ADGRL4: variants seen among roughly 807,000 people sequenced by gnomAD.
ADGRL4 encodes EGF, latrophilin and seven transmembrane domain containing 1.
In ADGRL4, 90 loss-of-function variants were observed where a neutral mutation model predicts 74.8. That is an observed-to-expected ratio of 1.20 (90% CI 1.02 to 1.43). ADGRL4 has a LOEUF of 1.43. Among genes scored for constraint, ADGRL4 ranks in the 40% most tolerant of loss-of-function variants. ADGRL4 has a pLI of 0.00. For synonymous variants in ADGRL4, 311 were observed against 279.2 expected, an observed-to-expected ratio of 1.11 and a Z score of -1.14; for missense variants, 881 against 814.3, an observed-to-expected ratio of 1.08 and a Z score of -1.00.
At chr1:78,931,904 C>G (rs570620645) in intron 7 of ADGRL4, among the ~76,000 whole-genome samples, 1 of 151,256 alleles carries the variant, frequency 6.6e-6, no homozygotes, top group Non-Finnish European at 1.5e-5. Context: ...TATATGCACC[C>G]GATACAGGAG....
chr1:78,937,290 C>T (rs1361858299), intron 6 of ADGRL4, among the ~76,000 whole-genome samples: 1 of 152,082 alleles, frequency 6.6e-6, no homozygotes, highest in East Asian at 1.9e-4. Flanking sequence ...ACCAAAAGAA[C>T]AAAAATTAGC....
chr1:78,968,247 C>G, intron 2 of ADGRL4, among the ~76,000 whole-genome samples: 1 of 151,910 alleles, frequency 6.6e-6, no homozygotes, highest in Non-Finnish European at 1.5e-5. Context: ...GGAGTTCAGT[C>G]AGGCTGGTGG....
chr1:78,996,926 C>T (rs1349572494), intron 2 of ADGRL4, among the ~76,000 whole-genome samples: 2 of 152,134 alleles, frequency 1.3e-5, no homozygotes, highest in Non-Finnish European at 2.9e-5. Context: ...GAGATGATTA[C>T]ACTATTGCAA....
intron 13 of ADGRL4, among the ~76,000 whole-genome samples, 174 bp from the exon 14 acceptor site, chr1:78,891,866 T>C (rs1484910358): frequency 1.3e-5 from 2 of 152,154 alleles, no homozygotes; most frequent in Non-Finnish European, 2.9e-5. Context: ...TGTGACAGCA[T>C]TTAGGGTATG....
chr1:78,932,360 A>G (rs1408389171), intron 7 of ADGRL4, among the ~76,000 whole-genome samples: 1 of 151,460 alleles, frequency 6.6e-6, no homozygotes, highest in African/African-American at 2.5e-5. Context: ...GAAATCAAGA[A>G]GTTCTTTGAA....
At chr1:78,995,280 G>A (rs1194598212) in intron 2 of ADGRL4, among the ~76,000 whole-genome samples, 1 of 152,152 alleles carries the variant, frequency 6.6e-6, no homozygotes, top group Non-Finnish European at 1.5e-5. Context: ...AATGCAGGAG[G>A]GGTCTCAGAA....
At chr1:78,978,866 T>G (rs1304765762) in intron 2 of ADGRL4, among the ~76,000 whole-genome samples, 1 of 150,860 alleles carries the variant, frequency 6.6e-6, no homozygotes, top group Non-Finnish European at 1.5e-5. Context: ...GATCTTATCT[T>G]TTTTTTTCTT....
Position 78,902,773 on chromosome 1 carries a change from A to G in ADGRL4, c.1750-9584T>C, listed in dbSNP as rs150140472. Among the ~76,000 whole-genome samples the G allele has an allele frequency of 1.5e-3, 231 of 152,280 alleles. 1 individual carries two copies. Among genetic ancestry groups the G allele is most frequent in the African/African-American group, 4.9e-3 (203 of 41,570 alleles). On this transcript the variant is annotated intron_variant, in intron 12 of 14. Transcript: ENST00000370742. ...GCATTAGTGTTCATCCAAATTAGTC[A>G]TGATACCAGTGATGAAGGCCTTGTT...
intron 8 of ADGRL4, among the ~76,000 whole-genome samples, chr1:78,924,480 A>T (rs1262309062): frequency 6.6e-6 from 1 of 151,984 alleles, no homozygotes; most frequent in Non-Finnish European, 1.5e-5. Context: ...TGTTATGTGA[A>T]AATGATGGGG....
At chr1:78,902,346 C>A (rs371411833) in intron 12 of ADGRL4, among the ~76,000 whole-genome samples, 25 of 152,106 alleles carry the variant, frequency 1.6e-4, no homozygotes, top group African/African-American at 5.5e-4. Flanking sequence ...TTTATTTAAC[C>A]CTCTCACCAA....
intron 2 of ADGRL4, among the ~76,000 whole-genome samples, chr1:79,000,567 T>A (rs1216666448): frequency 6.6e-6 from 1 of 152,180 alleles, no homozygotes; most frequent in Non-Finnish European, 1.5e-5. Flanking sequence ...TGATGGAATG[T>A]GTAATATTGT....
chr1:78,945,164 CA>C (rs57419194), intron 3 of ADGRL4, among the ~76,000 whole-genome samples: 33,246 of 116,304 alleles, frequency 0.29, 4,165 homozygotes, highest in Middle Eastern at 0.3. Flanking sequence ...GACTCTGTCT[CA>C]AAAAAAAAAA....
At chr1:78,928,157 C>T (rs531843295) in intron 7 of ADGRL4, among the ~76,000 whole-genome samples, 2 of 151,390 alleles carry the variant, frequency 1.3e-5, no homozygotes, top group East Asian at 3.9e-4. Flanking sequence ...GGTTCAAAAT[C>T]AAATGATGAA....
In ADGRL4 at chr1:78,957,854, G is replaced by A. The variant is rs180794090; in HGVS notation, c.173-11428C>T. Among the ~76,000 whole-genome samples, 3 of 152,186 alleles carry A rather than the reference G, an allele frequency of 2.0e-5. No homozygotes were observed. The East Asian group carries it at 5.8e-4, about 29-fold the overall frequency. On this transcript the variant is annotated intron_variant, in intron 2 of 14. Transcript: ENST00000370742. ...CTGTGAGACTTTCATAGCTAGAGAG[G>A]AGAAGTCAATGCCTGGCTCCAAAGC...
At chr1:78,975,332 A>G (rs892018819) in intron 2 of ADGRL4, among the ~76,000 whole-genome samples, 6 of 152,118 alleles carry the variant, frequency 3.9e-5, no homozygotes, top group Non-Finnish European at 7.4e-5. Flanking sequence ...GAATATAGGA[A>G]CAATGATGGT....
chr1:78,966,916 TAA>T (rs34217460), intron 2 of ADGRL4, among the ~76,000 whole-genome samples: 8 of 146,398 alleles, frequency 5.5e-5, no homozygotes, highest in East Asian at 2.0e-4. Context: ...CTAGGAATGA[TAA>T]AAAAAAAATC....
rs763798892 is a variant in ADGRL4, at chr1:78,937,859, T to C, written c.708A>G (p.Ile236Met). The change falls in exon 6 of 15, where the codon ATA becomes ATG. Residue 236 changes from isoleucine to methionine, a missense_variant. Transcript: ENST00000370742. Reference protein sequence around the residue: ...MHTVEQATLRISQSFQKTTEF... With the variant: ...MHTVEQATLRMSQSFQKTTEF... ...CTGTGGTCTTTTGGAAGCTCTGGGATATCCTTAAAGTAGCTTGTTCAACAG... is the reference window on the plus strand; with the variant it reads ...CTGTGGTCTTTTGGAAGCTCTGGGACATCCTTAAAGTAGCTTGTTCAACAG... 34 of 1,613,812 alleles carry C rather than the reference T, an allele frequency of 2.1e-5. No individual in the cohort carries two copies. Among genetic ancestry groups the C allele is most frequent in the Non-Finnish European group, 2.7e-5 (32 of 1,179,918 alleles).
chr1:78,928,890 T>C (rs1308189456), intron 7 of ADGRL4, among the ~76,000 whole-genome samples: 1 of 151,476 alleles, frequency 6.6e-6, no homozygotes, highest in Admixed American at 6.6e-5. Flanking sequence ...GGAGTTATGA[T>C]TTTTCCTTAT....
At chr1:78,928,606 A>G (rs1442318745) in intron 7 of ADGRL4, among the ~76,000 whole-genome samples, 1 of 151,386 alleles carries the variant, frequency 6.6e-6, no homozygotes, top group East Asian at 1.9e-4. Flanking sequence ...ACATTACCAT[A>G]TGTTTGCCAG....
Sources: gnomAD v4.1 joint callset for allele counts (sites outside exome capture counted in the v4.1 genomes callset) on GRCh38, gnomAD v4.1.1 for gene constraint, MANE v1.5 for transcripts, NCBI Gene and HGNC (gene_info 2026-07-23, HGNC 2026-07-21) for gene names.